The following DMD variants were observed in gnomAD, a reference collection of about 807,000 sequenced individuals.
DMD encodes the protein dystrophin.
Under a neutral mutation model 330.1 loss-of-function variants are expected in DMD, and 63 were observed. That is an observed-to-expected ratio of 0.19 (90% CI 0.16 to 0.24). DMD has a LOEUF of 0.24. Among genes scored for constraint, DMD ranks in the 10% least tolerant of loss-of-function variants. DMD has a pLI of 1.00. For missense variants in DMD, 3,344 were observed against 2,684.1 expected, an observed-to-expected ratio of 1.25 and a Z score of -5.43; for synonymous variants, 1,223 against 959.8, an observed-to-expected ratio of 1.27 and a Z score of -5.07.
intron 2 of DMD, among the ~76,000 whole-genome samples, chrX:33,005,456 T>C (rs746753020): frequency 1.8e-5 from 2 of 108,933 alleles, no homozygotes; most frequent in African/African-American, 3.3e-5. Flanking sequence ...ATGACTTCAA[T>C]AATGAGAAAC....
At chrX:31,313,170 A>T (rs765250864) in intron 62 of DMD, among the ~76,000 whole-genome samples, 177 of 109,981 alleles carry the variant, frequency 1.6e-3, no homozygotes, top group African/African-American at 5.4e-3. Context: ...AAAAATTAAA[A>T]AAAAAAAAAA....
chrX:32,309,723 T>C (rs998500711), intron 42 of DMD, among the ~76,000 whole-genome samples: 1 of 111,285 alleles, frequency 9.0e-6, no homozygotes, highest in African/African-American at 3.3e-5. Context: ...AAAAATCTAA[T>C]TTCCCTTTTT....
chrX:33,153,057 G>C (rs779808331), intron 1 of DMD, among the ~76,000 whole-genome samples: 1 of 112,453 alleles, frequency 8.9e-6, no homozygotes, highest in Admixed American at 9.4e-5. Context: ...ACAGACAATT[G>C]ATTCAGACTT....
intron 60 of DMD, among the ~76,000 whole-genome samples, chrX:31,405,619 A>G (rs919979568): frequency 1.8e-5 from 2 of 112,108 alleles, no homozygotes; most frequent in Non-Finnish European, 3.8e-5. Flanking sequence ...TTTAGAAAGT[A>G]GGAAAAAATC....
At chrX:32,493,107 T>C (rs1434958396) in intron 19 of DMD, among the ~76,000 whole-genome samples, 2 of 111,809 alleles carry the variant, frequency 1.8e-5, no homozygotes, top group African/African-American at 3.2e-5. Flanking sequence ...TGCACATGCC[T>C]CCCACTTTAT....
At chrX:31,672,295 G>A (rs2081850110) in intron 53 of DMD, among the ~76,000 whole-genome samples, 1 of 112,133 alleles carries the variant, frequency 8.9e-6, no homozygotes, top group Non-Finnish European at 1.9e-5. Flanking sequence ...TGAATGTAGT[G>A]AGACTTATTT....
chrX:32,805,280 G>A (rs2076870326), intron 7 of DMD, among the ~76,000 whole-genome samples: 1 of 111,610 alleles, frequency 9.0e-6, no homozygotes, highest in African/African-American at 3.3e-5. Flanking sequence ...TGACCTGATG[G>A]AACTGAAAAA....
chrX:31,745,399 T>A (rs750956161), intron 51 of DMD, among the ~76,000 whole-genome samples: 26 of 111,186 alleles, frequency 2.3e-4, no homozygotes, highest in Non-Finnish European at 4.7e-4. Context: ...CATCAGAGGT[T>A]TGAGAGCAGA....
intron 17 of DMD, among the ~76,000 whole-genome samples, chrX:32,543,240 G>A (rs1358326271): frequency 9.5e-6 from 1 of 105,314 alleles, no homozygotes; most frequent in African/African-American, 3.8e-5. Context: ...TACAAAAATT[G>A]CCGAAAACTT....
intron 2 of DMD, among the ~76,000 whole-genome samples, chrX:32,875,532 G>A (rs1418780429): frequency 3.6e-5 from 4 of 111,997 alleles, no homozygotes; most frequent in Admixed American, 9.5e-5. Flanking sequence ...TGCCAGGCCC[G>A]GTTGTAAGCA....
intron 19 of DMD, among the ~76,000 whole-genome samples, chrX:32,498,018 A>T (rs1209696150): frequency 8.9e-6 from 1 of 111,864 alleles, no homozygotes; most frequent in Non-Finnish European, 1.9e-5. Flanking sequence ...TAAACCTTAA[A>T]GTTATATCAC....
rs112947666 is a variant in DMD at position 31,518,353 on chromosome X, T to G, written c.8218-10900A>C. On this transcript the variant is annotated intron_variant, in intron 55 of 78. Coordinates refer to ENST00000357033, the MANE Select transcript of DMD (RefSeq NM_004006.3). ...CATAGAAAATACTGTGCTGCAATAT[T>G]ATTTCTGATATTGCTATACAGCCTC... is the stretch of plus-strand genomic sequence containing the variant. 2.0e-3 allele frequency among the ~76,000 whole-genome samples: 215 copies of G among 110,235 alleles called. 1 individual carries two copies. Among genetic ancestry groups the G allele is most frequent in the African/African-American group, 6.8e-3 (206 of 30,227 alleles).
At chrX:32,409,808 C>T (rs1372207178) in intron 30 of DMD, among the ~76,000 whole-genome samples, 1 of 111,355 alleles carries the variant, frequency 9.0e-6, no homozygotes, top group African/African-American at 3.3e-5. Context: ...GAAAGCAGTT[C>T]TACTCTGTAT....
intron 43 of DMD, among the ~76,000 whole-genome samples, chrX:32,280,815 T>G (rs1043188091): frequency 3.6e-5 from 4 of 112,036 alleles, no homozygotes; most frequent in African/African-American, 1.3e-4. Context: ...TGAGGTTATT[T>G]CCTTACCTTG....
chrX:32,611,023 T>C (rs1294094099), intron 12 of DMD, among the ~76,000 whole-genome samples: 2 of 111,274 alleles, frequency 1.8e-5, no homozygotes, highest in African/African-American at 6.5e-5. Flanking sequence ...TAATTCTGTA[T>C]GTATGCTCCT....
At chrX:31,180,722 G>C (rs2041070645) in intron 68 of DMD, among the ~76,000 whole-genome samples, 1 of 111,411 alleles carries the variant, frequency 9.0e-6, no homozygotes, top group Admixed American at 9.6e-5. Context: ...GAAAAACTCA[G>C]CTTTTATTTA....
chrX:31,296,934 T>C (rs1403716545), intron 62 of DMD, among the ~76,000 whole-genome samples: 1 of 112,109 alleles, frequency 8.9e-6, no homozygotes, highest in Admixed American at 9.5e-5. Context: ...TCTTAGTCAT[T>C]TGAATTTCTA....
chrX:32,786,101 G>GTGTGTC (rs1419669448), intron 7 of DMD, among the ~76,000 whole-genome samples: 1 of 107,865 alleles, frequency 9.3e-6, no homozygotes, highest in Non-Finnish European at 2.0e-5. Context: ...GTGTGTGTGT[G>GTGTGTC]TGTGTGTGTG....
intron 2 of DMD, among the ~76,000 whole-genome samples, chrX:32,930,290 G>A (rs932422251): frequency 1.8e-5 from 2 of 110,697 alleles, no homozygotes; most frequent in African/African-American, 3.3e-5. Flanking sequence ...TCCTAAAGTC[G>A]AAAAATTGTT....
Sources: allele counts gnomAD v4.1 joint callset (sites outside exome capture counted in the v4.1 genomes callset), GRCh38; gene constraint gnomAD v4.1.1; transcripts MANE v1.5; gene names NCBI Gene and HGNC (gene_info 2026-07-23, HGNC 2026-07-21).